TTC1: variants seen among roughly 807,000 people sequenced by gnomAD.
TTC1 encodes tetratricopeptide repeat domain 1.
TTC1 carries 31 observed loss-of-function variants against 37.6 expected under a neutral mutation model. The observed-to-expected ratio is 0.82, with a 90% CI of 0.62 to 1.11. The LOEUF is 1.11. Among genes scored for constraint, TTC1 ranks in the 50% most tolerant of loss-of-function variants. TTC1 has a pLI of 0.00. For missense variants in TTC1, 351 were observed against 339.0 expected, an observed-to-expected ratio of 1.04 and a Z score of -0.28; for synonymous variants, 127 against 122.4, an observed-to-expected ratio of 1.04 and a Z score of -0.25.
chr5:160,051,285 C>T, intron 7 of TTC1, 102 bp downstream of exon 7: 1 of 922,984 alleles, frequency 1.1e-6, no homozygotes, highest in Non-Finnish European at 1.6e-6. Context: ...AAGTTTCGGA[C>T]TCTACCACAA....
At chr5:160,014,736 CAT>C (rs1382322190) in intron 2 of TTC1, among the ~76,000 whole-genome samples, 1 of 152,042 alleles carries the variant, frequency 6.6e-6, no homozygotes. Flanking sequence ...AAAATCGTCA[CAT>C]GTGGCTAGTA....
chr5:160,023,618 A>G (rs937818387), intron 2 of TTC1: 8 of 800,880 alleles, frequency 1.0e-5, no homozygotes, highest in Middle Eastern at 3.6e-4. Context: ...TTTTATCACG[A>G]AACAGATCCA....
intron 2 of TTC1, among the ~76,000 whole-genome samples, chr5:160,027,416 C>G (rs541853097): frequency 6.6e-6 from 1 of 152,158 alleles, no homozygotes; most frequent in Non-Finnish European, 1.5e-5. Context: ...TCCTCCACTT[C>G]GAACTATCGT....
At chr5:160,027,945 G>A (rs534084514) in intron 2 of TTC1, among the ~76,000 whole-genome samples, 95 of 151,896 alleles carry the variant, frequency 6.3e-4, no homozygotes, top group Admixed American at 1.3e-3. Context: ...TATTCTACTT[G>A]AGGTTCACTG....
chr5:160,062,762 C>T (rs770186910), intron 7 of TTC1, among the ~76,000 whole-genome samples: 9 of 152,078 alleles, frequency 5.9e-5, no homozygotes, highest in Non-Finnish European at 1.0e-4. Context: ...ATCACAAGAG[C>T]CAAGGATTTC....
intron 2 of TTC1, among the ~76,000 whole-genome samples, chr5:160,019,475 A>G (rs1756663673): frequency 6.6e-6 from 1 of 150,454 alleles, no homozygotes; most frequent in African/African-American, 2.5e-5. Flanking sequence ...AATACTCTCG[A>G]TTGCTTCCAA....
intron 7 of TTC1, among the ~76,000 whole-genome samples, chr5:160,056,386 G>A (rs1757548174): frequency 6.6e-6 from 1 of 152,126 alleles, no homozygotes; most frequent in Non-Finnish European, 1.5e-5. Context: ...AATCTGATGA[G>A]GGCACATTGT....
Position 160,010,698 on chromosome 5 carries a change from A to G in TTC1, c.170A>G (p.Gln57Arg), listed in dbSNP as rs1242251025. ...RDDEAHLQED[Q>R]GEEECFHDCS... ...GATGAGGCCCATCTCCAGGAGGACCAGGGAGAAGAGGAGTGTTTTCATGAC... is the reference window on the plus strand; with the variant it reads ...GATGAGGCCCATCTCCAGGAGGACCGGGGAGAAGAGGAGTGTTTTCATGAC... The change falls in exon 2 of 8, where the codon CAG becomes CGG. Residue 57 changes from glutamine to arginine, a missense_variant. Gln to Arg is a conservative substitution (Grantham distance 43). Coordinates refer to ENST00000231238, the MANE Select transcript of TTC1 (RefSeq NM_003314.3). The G allele has an allele frequency of 6.2e-7, 1 of 1,613,770 alleles. No homozygotes were observed. The highest frequency in any genetic ancestry group is 2.2e-5 in the East Asian group (1 of 44,892).
intron 2 of TTC1, among the ~76,000 whole-genome samples, chr5:160,019,580 CT>C (rs201420281): frequency 5.4e-3 from 583 of 108,706 alleles, no homozygotes; most frequent in African/African-American, 0.012. Context: ...TTCTTTCATT[CT>C]TTTTTTTTTT....
chr5:160,061,562 G>A (rs902145782), intron 7 of TTC1, among the ~76,000 whole-genome samples: 2 of 152,110 alleles, frequency 1.3e-5, no homozygotes, highest in African/African-American at 4.8e-5. Context: ...CTTCTCTAAC[G>A]CAGAGACTAT....
chr5:160,042,790 C>T (rs1410750573), intron 4 of TTC1, among the ~76,000 whole-genome samples: 1 of 152,180 alleles, frequency 6.6e-6, no homozygotes, highest in African/African-American at 2.4e-5. Flanking sequence ...CAGTTATTCA[C>T]ATGTCAGTCA....
chr5:160,016,589 T>G (rs1354328195), intron 2 of TTC1, among the ~76,000 whole-genome samples: 2 of 152,158 alleles, frequency 1.3e-5, no homozygotes, highest in Non-Finnish European at 2.9e-5. Context: ...AGAGGTATGA[T>G]TATTAGGGAA....
chr5:160,063,094 A>G (rs1753478661), intron 7 of TTC1, among the ~76,000 whole-genome samples: 1 of 152,134 alleles, frequency 6.6e-6, no homozygotes, highest in South Asian at 2.1e-4. Context: ...AGGTTCTGGG[A>G]GCTTTCTCAA....
intron 2 of TTC1, among the ~76,000 whole-genome samples, chr5:160,017,939 A>T (rs1393150835): frequency 2.0e-5 from 3 of 152,204 alleles, no homozygotes; most frequent in African/African-American, 7.2e-5. Flanking sequence ...CTGTTCTCTC[A>T]TTGGAGAATT....
At chr5:160,041,342 A>T in intron 4 of TTC1, among the ~76,000 whole-genome samples, 1 of 135,238 alleles carries the variant, frequency 7.4e-6, no homozygotes, top group African/African-American at 2.8e-5. Flanking sequence ...AGATAGAGTT[A>T]CTCTGTTGCC....
At chr5:160,040,358 G>A (rs575806739) in intron 4 of TTC1, among the ~76,000 whole-genome samples, 2 of 152,252 alleles carry the variant, frequency 1.3e-5, no homozygotes, top group South Asian at 4.1e-4. Context: ...AGTGAGTGGT[G>A]AGTGAATGTG....
intron 7 of TTC1, among the ~76,000 whole-genome samples, chr5:160,060,408 C>G (rs1283226778): frequency 6.6e-6 from 1 of 152,198 alleles, no homozygotes; most frequent in African/African-American, 2.4e-5. Context: ...TCTAAACATT[C>G]TGGTCTAAGC....
intron 2 of TTC1, among the ~76,000 whole-genome samples, chr5:160,011,582 A>G (rs1756503088): frequency 6.6e-6 from 1 of 152,278 alleles, no homozygotes; most frequent in African/African-American, 2.4e-5. Flanking sequence ...AGTATAATGT[A>G]TAATGTAATA....
intron 1 of TTC1, among the ~76,000 whole-genome samples, chr5:160,009,712 G>A (rs1756461545): frequency 6.6e-6 from 1 of 152,118 alleles, no homozygotes; most frequent in Non-Finnish European, 1.5e-5. Context: ...TGTTCTCTTG[G>A]GCAGCTAGGG....
Sources: allele counts gnomAD v4.1 joint callset (sites outside exome capture counted in the v4.1 genomes callset), GRCh38; gene constraint gnomAD v4.1.1; transcripts MANE v1.5; gene names NCBI Gene and HGNC (gene_info 2026-07-23, HGNC 2026-07-21).